The following ABHD16A variants were observed in gnomAD, a reference collection of about 807,000 sequenced individuals.
The protein encoded by ABHD16A is phosphatidylserine lipase ABHD16A.
In ABHD16A, 47 loss-of-function variants were observed where a neutral mutation model predicts 89.8. The observed-to-expected ratio is 0.52, with a 90% confidence interval of 0.41 to 0.67. ABHD16A has a LOEUF of 0.67. Ranked by LOEUF, ABHD16A falls within the 30% of genes least tolerant of loss-of-function variation. The pLI, the probability that ABHD16A is intolerant of heterozygous loss-of-function variation, is 0.00. For synonymous variants in ABHD16A, 251 were observed against 280.4 expected (o/e 0.90, Z 1.05); for missense variants, 580 against 734.6 (o/e 0.79, Z 2.43).
intron 11 of ABHD16A, 137 bp from the exon 12 acceptor site, chr6:31,689,841 G>C (rs904858805): frequency 1.7e-5 from 22 of 1,318,618 alleles, no homozygotes; most frequent in Middle Eastern, 4.6e-4. Context: ...AGGAGAGGTT[G>C]TTCTCTCCAG....
In ABHD16A at chr6:31,690,225, G is replaced by A; in HGVS notation, c.908-98C>T. 8.4e-7 allele frequency: 1 copy of A among 1,185,208 alleles called. No individual in the cohort carries two copies. The highest frequency in any genetic ancestry group is 1.2e-6 in the Non-Finnish European group (1 of 846,018). 73.4% of individuals were successfully genotyped at this position (1,185,208 alleles called of 1,614,324 possible). ...AGCAGAAGTACCCCCCAGCTTAGAT[G>A]CAAATAACTCCAAGCCTTCCCAGAA... On this transcript the variant is annotated intron_variant, in intron 10 of 19. Coordinates refer to ENST00000395952, the MANE Select transcript of ABHD16A (RefSeq NM_021160.3). This position sits in a 1 kb window ranked among gnomAD's most constrained non-coding sequence, Gnocchi z 4.1.
At chr6:31,700,624 T>C (rs1281667046) in intron 4 of ABHD16A, among the ~76,000 whole-genome samples, 1 of 152,100 alleles carries the variant, frequency 6.6e-6, no homozygotes, top group Non-Finnish European at 1.5e-5. Flanking sequence ...CAGCCAGGCA[T>C]AGTGGCTCAC....
chr6:31,687,170 C>T lies in ABHD16A; in HGVS notation c.*42G>A. 1 of 1,550,102 alleles carries T rather than the reference C, an allele frequency of 6.5e-7. No homozygotes were observed. Among genetic ancestry groups the T allele is most frequent in the Non-Finnish European group, 8.9e-7 (1 of 1,126,252 alleles). ...CAAATAAGAGGGTCTTTCCTCATGT[C>T]TCCTCTCACCCCATTCTTCCATAAT... On this transcript the variant is annotated 3_prime_UTR_variant, in exon 20 of 20. Coordinates refer to ENST00000395952, the MANE Select transcript of ABHD16A (RefSeq NM_021160.3). The surrounding 1 kb of genome is among the most constrained non-coding windows in gnomAD (Gnocchi z 6.3).
In ABHD16A at chr6:31,688,135, C is replaced by T; in HGVS notation, c.1308-32G>A. 2 of 1,607,414 alleles carry T rather than the reference C, an allele frequency of 1.2e-6. No individual in the cohort carries two copies. The highest frequency in any genetic ancestry group is 2.2e-5 in the South Asian group (2 of 90,252). Reference sequence around the variant, plus strand: ...GTGAGAAGAATGTACCCTGGAGGGGCTGGAGGTTAGGAGGAAGGGTCTAGA... The same window carrying T: ...GTGAGAAGAATGTACCCTGGAGGGGTTGGAGGTTAGGAGGAAGGGTCTAGA... On this transcript the variant is annotated intron_variant, in intron 15 of 19. Coordinates refer to ENST00000395952, the MANE Select transcript of ABHD16A (RefSeq NM_021160.3). This position sits in a 1 kb window ranked among gnomAD's most constrained non-coding sequence, Gnocchi z 4.9.
chr6:31,688,349 C>G lies in ABHD16A; in HGVS notation c.1251-44G>C. 6.3e-6 allele frequency: 10 copies of G among 1,588,792 alleles called. No individual in the cohort carries two copies. The highest frequency in any genetic ancestry group is 8.6e-6 in the Non-Finnish European group (10 of 1,157,610). ...TGGGAAGGGAGAGCTCAGAGGGAGACGGGTGACAACTGGCCCACCCCTATC... is the reference window on the plus strand; with the variant it reads ...TGGGAAGGGAGAGCTCAGAGGGAGAGGGGTGACAACTGGCCCACCCCTATC... On this transcript the variant is annotated intron_variant, in intron 14 of 19. Coordinates refer to ENST00000395952, the MANE Select transcript of ABHD16A (RefSeq NM_021160.3). The surrounding 1 kb of genome is among the most constrained non-coding windows in gnomAD (Gnocchi z 4.9).
chr6:31,696,335 GA>G (rs565099419), intron 5 of ABHD16A, among the ~76,000 whole-genome samples: 1,690 of 122,866 alleles, frequency 0.014, 19 homozygotes, highest in African/African-American at 0.039. Flanking sequence ...TCTCAAAGAA[GA>G]AAAAAAAAAA....
At chr6:31,702,569 G>C (rs1805119933) in intron 1 of ABHD16A, 2 of 1,416,292 alleles carry the variant, frequency 1.4e-6, no homozygotes, top group Non-Finnish European at 9.3e-7. Context: ...GTAACACAAT[G>C]AGACAACTGA....
At chr6:31,701,418 T>G in intron 2 of ABHD16A, 78 bp from the exon 3 acceptor site, 1 of 1,270,280 alleles carries the variant, frequency 7.9e-7, no homozygotes, top group African/African-American at 1.5e-5. Flanking sequence ...TACTATACAC[T>G]CTGAGCAAGA....
chr6:31,701,067 A>G (rs1438874402), intron 3 of ABHD16A, 39 bp from the exon 4 acceptor site: 1 of 1,541,546 alleles, frequency 6.5e-7, no homozygotes, highest in Admixed American at 1.7e-5. Context: ...CCTCTCCGCA[A>G]TGTCCCTCAG....
intron 8 of ABHD16A, 55 bp downstream of exon 8, chr6:31,691,749 T>TGG: frequency 1.5e-4 from 18 of 118,748 alleles, no homozygotes; most frequent in East Asian, 2.6e-4. Context: ...TGGGGCGGGG[T>TGG]GGGTGGGGGT....
At chr6:31,702,974 C>T in intron 1 of ABHD16A, 176 bp downstream of exon 1, 4 of 1,331,372 alleles carry the variant, frequency 3.0e-6, no homozygotes, top group Non-Finnish European at 3.9e-6. Context: ...AGAAAGGAGG[C>T]GGCCAGTCCG....
intron 11 of ABHD16A, 81 bp downstream of exon 11, chr6:31,689,997 C>T (rs1803714309): frequency 1.4e-6 from 2 of 1,442,680 alleles, no homozygotes; most frequent in East Asian, 2.4e-5. Context: ...AAATCCACAG[C>T]CCCTCTCCTC....
chr6:31,697,778 C>T (rs1562114204), intron 4 of ABHD16A, among the ~76,000 whole-genome samples: 1 of 152,178 alleles, frequency 6.6e-6, no homozygotes, highest in Non-Finnish European at 1.5e-5. Flanking sequence ...CACCTCAAAC[C>T]CTAACTTCTC....
chr6:31,687,537 G>A lies in ABHD16A; in HGVS notation c.1554C>T (p.Asp518=), dbSNP rs1464695208. The A allele has an allele frequency of 3.7e-6, 6 of 1,613,008 alleles. No individual in the cohort carries two copies. Among genetic ancestry groups the A allele is most frequent in the Non-Finnish European group, 5.1e-6 (6 of 1,179,990 alleles). The part of the protein sequence containing the change: ...GPDFPWSVGE[D]MSADGRRQLA... ...GCTGCCGCCGTCCATCTGCACTCAT[G>A]TCCTCCCCTGCAGAGAGGAGGCGCT... The change falls in exon 19 of 20, where the codon GAC becomes GAT. Residue 518 remains aspartate (D), a synonymous_variant. Transcript: ENST00000395952. The surrounding 1 kb of genome is among the most constrained non-coding windows in gnomAD (Gnocchi z 6.3).
Position 31,690,078 on chromosome 6 carries a change from C to T in ABHD16A, c.957G>A (p.Thr319=), listed in dbSNP as rs1442515298. ...GWNHPGFAGS[T]GVPFPQNEAN... Reference sequence around the variant, plus strand: ...GAAGGGATTCCTGAGATGGTCTCACCGTGCTTCCAGCAAAGCCTGGATGAT... The same window carrying T: ...GAAGGGATTCCTGAGATGGTCTCACTGTGCTTCCAGCAAAGCCTGGATGAT... The change falls in exon 11 of 20, where the codon ACG becomes ACA. Residue 319 remains threonine (T), a splice_region_variant and synonymous_variant. Coordinates refer to ENST00000395952, the MANE Select transcript of ABHD16A (RefSeq NM_021160.3). The surrounding 1 kb of genome is among the most constrained non-coding windows in gnomAD (Gnocchi z 4.1). 6.3e-7 allele frequency: 1 copy of T among 1,594,990 alleles called. No homozygotes were observed. Among genetic ancestry groups the T allele is most frequent in the East Asian group, 2.3e-5 (1 of 44,376 alleles).
In ABHD16A at chr6:31,699,134, C is replaced by T. The variant is rs11753064; in HGVS notation, c.343+1808G>A. ...GAGAAAACCATGCCCTTGCTGGGCG[C>T]GGTGGCTCAAGCCTGTAATCTCAGC... On this transcript the variant is annotated intron_variant, in intron 4 of 19. Coordinates refer to ENST00000395952, the MANE Select transcript of ABHD16A (RefSeq NM_021160.3). Among the ~76,000 whole-genome samples, 623 of 152,108 alleles carry T rather than the reference C, an allele frequency of 4.1e-3. 3 individuals are homozygous for T. The highest frequency in any genetic ancestry group is 0.02 in the Middle Eastern group (6 of 294).
chr6:31,687,446 T>C lies in ABHD16A; in HGVS notation c.1593+52A>G. ...TTATAGGGTATCCCCAGTCCCCCTATGTGAGCCCTGGCCATTCAAGAACCC... is the reference window on the plus strand; with the variant it reads ...TTATAGGGTATCCCCAGTCCCCCTACGTGAGCCCTGGCCATTCAAGAACCC... On this transcript the variant is annotated intron_variant, in intron 19 of 19. Transcript: ENST00000395952. This position sits in a 1 kb window ranked among gnomAD's most constrained non-coding sequence, Gnocchi z 6.3. 2 of 1,612,718 alleles carry C rather than the reference T, an allele frequency of 1.2e-6. No homozygotes were observed. Among genetic ancestry groups the C allele is most frequent in the South Asian group, 1.1e-5 (1 of 91,072 alleles).
chr6:31,697,972 A>T (rs1804554541), intron 4 of ABHD16A, among the ~76,000 whole-genome samples: 1 of 152,222 alleles, frequency 6.6e-6, no homozygotes, highest in African/African-American at 2.4e-5. Context: ...CAGAGAAAAT[A>T]CAACAAGAAT....
chr6:31,688,016 A>G lies in ABHD16A; in HGVS notation c.1370+25T>C. The G allele has an allele frequency of 6.2e-7, 1 of 1,611,078 alleles. No homozygotes were observed. Among genetic ancestry groups the G allele is most frequent in the Non-Finnish European group, 8.5e-7 (1 of 1,178,478 alleles). ...GTATCTGTGTGTGTACACTGCCCCCAGCGCGCACACACCCTGGCTCTCACC... is the reference window on the plus strand; with the variant it reads ...GTATCTGTGTGTGTACACTGCCCCCGGCGCGCACACACCCTGGCTCTCACC... On this transcript the variant is annotated intron_variant, in intron 16 of 19. Transcript: ENST00000395952. The surrounding 1 kb of genome is among the most constrained non-coding windows in gnomAD (Gnocchi z 4.9).
Sources: gnomAD v4.1 joint callset for allele counts (sites outside exome capture counted in the v4.1 genomes callset) on GRCh38, gnomAD v4.1.1 for gene constraint, Gnocchi (gnomAD v3.1) non-coding constraint, MANE v1.5 for transcripts, NCBI Gene and HGNC (gene_info 2026-07-23, HGNC 2026-07-21) for gene names.